LAMA5: variants seen among roughly 807,000 people sequenced by gnomAD.
LAMA5 encodes the protein laminin subunit alpha 5.
A neutral mutation model predicts 433.4 loss-of-function variants in LAMA5; 260 were observed. The observed-to-expected ratio is 0.60, with a 90% CI of 0.54 to 0.66. The LOEUF (loss-of-function observed/expected upper bound fraction) is 0.66. LAMA5 is among the 30% of genes least tolerant of loss of function. LAMA5 has a pLI of 0.00. For missense variants in LAMA5, 5,378 were observed against 5,258.5 expected (o/e 1.02, Z -0.70); for synonymous variants, 2,620 against 2,226.6 (o/e 1.18, Z -4.97).
Position 62,309,276 on chromosome 20 carries a change from C to T in LAMA5, c.*60G>A. 6.5e-6 allele frequency: 10 copies of T among 1,548,084 alleles called. No individual in the cohort carries two copies. In the South Asian group the frequency reaches 1.2e-4, roughly 18 times the overall value. On this transcript the variant is annotated 3_prime_UTR_variant, in exon 80 of 80. Coordinates refer to ENST00000252999, the MANE Select transcript of LAMA5 (RefSeq NM_005560.6). The stretch of plus-strand genomic sequence containing the variant: ...TCCAAATAGACACCTATGAGGCGAG[C>T]ACAAGGGGCGGTGTGAGGCAGCTGC...
chr20:62,327,496 G>C, intron 37 of LAMA5, 33 bp downstream of exon 37: 3 of 1,611,472 alleles, frequency 1.9e-6, no homozygotes, highest in Non-Finnish European at 2.5e-6. Context: ...AGACCTCCCC[G>C]AGAAGGCAAT....
In LAMA5 at chr20:62,330,798, C is replaced by A; in HGVS notation, c.3797G>T (p.Arg1266Leu). 1 of 1,559,142 alleles carries A rather than the reference C, an allele frequency of 6.4e-7. No individual in the cohort carries two copies. The highest frequency in any genetic ancestry group is 2.4e-5 in the East Asian group (1 of 41,788). Residue 1266 changes from arginine (R) to leucine (L), a missense_variant, in exon 30 of 80, where the codon CGG becomes CTG. Transcript: ENST00000252999. Reference protein sequence around the residue: ...PAMSPAGPRPRPPTAVDPDAE... With the variant: ...PAMSPAGPRPLPPTAVDPDAE... ...ATCAGGGTCCACAGCGGTGGGGGGCCGAGGTCGGGGTCCAGCTGGGGACAT... is the reference window on the plus strand; with the variant it reads ...ATCAGGGTCCACAGCGGTGGGGGGCAGAGGTCGGGGTCCAGCTGGGGACAT...
Position 62,310,099 on chromosome 20 carries a change from G to A in LAMA5, c.10735-18C>T, listed in dbSNP as rs1405004098. The A allele has an allele frequency of 3.7e-6, 6 of 1,610,804 alleles. No homozygotes were observed. The highest frequency in any genetic ancestry group is 3.3e-5 in the South Asian group (3 of 91,052). On this transcript the variant is annotated intron_variant, in intron 77 of 79. Coordinates refer to ENST00000252999, the MANE Select transcript of LAMA5 (RefSeq NM_005560.6). ...AGCAGGACCTGGCGGGGTAGGAAGG[G>A]AGGGTCAGGCTATGCCCCCGAGGTC... is the stretch of plus-strand genomic sequence containing the variant.
rs141106376 is a variant in LAMA5 at position 62,337,107 on chromosome 20, G to A, written c.2165-321C>T. On this transcript the variant is annotated intron_variant, in intron 16 of 79. Transcript: ENST00000252999. Reference sequence around the variant, plus strand: ...GCACGTGAAGATGCACCCACTACACGTGCACTAACACACCCACACGCCCGT... The same window carrying A: ...GCACGTGAAGATGCACCCACTACACATGCACTAACACACCCACACGCCCGT... The A allele has an allele frequency of 2.4e-3, 1,455 of 594,326 alleles. 3 individuals are homozygous for A. Among genetic ancestry groups the A allele is most frequent in the Non-Finnish European group, 2.8e-3 (868 of 314,252 alleles). The allele number at this position is 594,326 out of a possible 1,614,324, so 36.8% of individuals were successfully genotyped here.
chr20:62,351,665 G>C (rs752230497), intron 6 of LAMA5, 39 bp downstream of exon 6: 2 of 1,583,538 alleles, frequency 1.3e-6, no homozygotes, highest in Non-Finnish European at 8.6e-7. Context: ...GCTGGGGGGG[G>C]CCTCACCTGA....
At chr20:62,335,917 C>G (rs1981529938) in intron 18 of LAMA5, among the ~76,000 whole-genome samples, 1 of 143,832 alleles carries the variant, frequency 7.0e-6, no homozygotes, top group Non-Finnish European at 1.5e-5. Flanking sequence ...CCCGAGGAAC[C>G]CCACACCCCA....
Position 62,310,531 on chromosome 20 carries a change from C to T in LAMA5, c.10488G>A (p.Leu3496=). 1 of 1,549,636 alleles carries T rather than the reference C, an allele frequency of 6.5e-7. No individual in the cohort carries two copies. The highest frequency in any genetic ancestry group is 8.7e-7 in the Non-Finnish European group (1 of 1,154,204). The change falls in exon 76 of 80, where the codon CTG becomes CTA. Residue 3496 remains leucine, a synonymous_variant. Transcript: ENST00000252999. ...TGGGGGCCCCCAGGGGCCTCCCGTG[C>T]AGCCTCAGTCTCTTCACACAGCCGC... ...GFSGCVKRLR[L]HGRPLGAPTR...
intron 62 of LAMA5, 51 bp downstream of exon 62, chr20:62,314,253 G>A (rs751512694): frequency 1.9e-6 from 3 of 1,588,136 alleles, no homozygotes; most frequent in South Asian, 1.1e-5. Flanking sequence ...ATGGCGAACG[G>A]GCAAGGGCCC....
chr20:62,323,446 C>T lies in LAMA5; in HGVS notation c.6064+10G>A, dbSNP rs763161580. 30 of 1,531,454 alleles carry T rather than the reference C, an allele frequency of 2.0e-5. No individual in the cohort carries two copies. Among genetic ancestry groups the T allele is most frequent in the Admixed American group, 1.8e-4 (9 of 50,258 alleles). 94.9% of individuals were successfully genotyped at this position (1,531,454 alleles called of 1,614,324 possible). A position where few individuals can be genotyped will look rare whatever the true frequency, so the allele number is the denominator to read the frequency against. On this transcript the variant is annotated intron_variant, in intron 45 of 79. Transcript: ENST00000252999. ...TCCCCAGGGTGCATCCCTCCCAGCC[C>T]GACGCCTACGGGTGCAGTTGCCGGG...
chr20:62,323,400 T>C, intron 45 of LAMA5, 56 bp downstream of exon 45: 1 of 1,385,346 alleles, frequency 7.2e-7, no homozygotes, highest in East Asian at 2.5e-5. Flanking sequence ...CCAGCAGGCC[T>C]CCCTCCTCCC....
Position 62,330,512 on chromosome 20 carries a change from T to C in LAMA5, c.3955A>G (p.Ile1319Val), listed in dbSNP as rs1490854983. 2.6e-6 allele frequency: 4 copies of C among 1,568,208 alleles called. No homozygotes were observed. Among genetic ancestry groups the C allele is most frequent in the Non-Finnish European group, 8.6e-7 (1 of 1,156,830 alleles). The change falls in exon 31 of 80, where the codon ATC becomes GTC. Residue 1319 changes from isoleucine (I) to valine (V), a missense_variant. Ile to Val is a conservative substitution (Grantham distance 29). Coordinates refer to ENST00000252999, the MANE Select transcript of LAMA5 (RefSeq NM_005560.6). ...CCCTGCCACACGCGGCCGGCGTTGA[T>C]GAGGACTTCCACGGGGAAGGTGGGG... ...AHPTFPVEVL[I>V]NAGRVWQGHA...
rs555888483 is a variant in LAMA5 at position 62,314,644 on chromosome 20, T to A, written c.8278A>T (p.Thr2760Ser). 4 of 1,612,600 alleles carry A rather than the reference T, an allele frequency of 2.5e-6. No individual in the cohort carries two copies. The highest frequency in any genetic ancestry group is 3.4e-6 in the Non-Finnish European group (4 of 1,179,930). ...PRDLADLAAY[T>S]ALKFYLQGPE... Reference sequence around the variant, plus strand: ...CCCTGCAGGTAGAACTTGAGGGCAGTGTAGGCAGCAAGGTCGGCAAGATCC... The same window carrying A: ...CCCTGCAGGTAGAACTTGAGGGCAGAGTAGGCAGCAAGGTCGGCAAGATCC... The change falls in exon 61 of 80, where the codon ACT becomes TCT. Residue 2760 changes from threonine (T) to serine (S), a missense_variant. By Grantham distance (58) the Thr-to-Ser change is moderately conservative. Transcript: ENST00000252999.
chr20:62,337,405 G>C (rs537067116), intron 16 of LAMA5, among the ~76,000 whole-genome samples, 185 bp downstream of exon 16: 3 of 152,198 alleles, frequency 2.0e-5, no homozygotes, highest in Non-Finnish European at 2.9e-5. Flanking sequence ...ACGCAGACAC[G>C]GGCAGTACGC....
chr20:62,350,474 G>A (rs907415765), intron 6 of LAMA5, among the ~76,000 whole-genome samples: 1 of 152,186 alleles, frequency 6.6e-6, no homozygotes, highest in African/African-American at 2.4e-5. Context: ...CACTGGCCGT[G>A]AGAATGGGAG....
Position 62,316,766 on chromosome 20 carries a change from A to G in LAMA5, c.7661T>C (p.Val2554Ala). ...QQADHTWATV[V>A]RQGLVDRAQQ... ...GGCTCGGTCCACCAGGCCCTGCCGC[A>G]CCACCGTCTGTGGATGCCAGGGCAG... is the stretch of plus-strand genomic sequence containing the variant. The change falls in exon 57 of 80, where the codon GTG becomes GCG. Residue 2554 changes from valine to alanine, a missense_variant. Coordinates refer to ENST00000252999, the MANE Select transcript of LAMA5 (RefSeq NM_005560.6). 1 of 1,604,676 alleles carries G rather than the reference A, an allele frequency of 6.2e-7. No homozygotes were observed. The highest frequency in any genetic ancestry group is 8.5e-7 in the Non-Finnish European group (1 of 1,175,602).
intron 37 of LAMA5, 60 bp downstream of exon 37, chr20:62,327,469 G>C (rs1166359996): frequency 5.0e-6 from 8 of 1,605,364 alleles, no homozygotes; most frequent in Non-Finnish European, 6.8e-6. Context: ...GCCCCATCTT[G>C]CATCCAGTCC....
At position 62,312,316 on chromosome 20, in the gene LAMA5, C is replaced by T. The variant is rs1184466164; in HGVS notation, c.9361G>A (p.Val3121Met). 1.2e-6 allele frequency: 2 copies of T among 1,608,908 alleles called. No homozygotes were observed. The highest frequency in any genetic ancestry group is 2.7e-5 in the African/African-American group (2 of 75,036). The stretch of plus-strand genomic sequence containing the variant: ...CCATGGAAAGTCATGGCGCGCCCCA[C>T]CTGCGGGGAGGCCATCCCTGAGTGC... ...VSAGCTADLL[V>M]GRAMTFHGHG... is the part of the protein sequence containing the mutation. The change falls in exon 69 of 80, where the codon GTG becomes ATG. Residue 3121 changes from valine (V) to methionine (M), a missense_variant and splice_region_variant. Val to Met is a conservative substitution (Grantham distance 21, BLOSUM62 1). Coordinates refer to ENST00000252999, the MANE Select transcript of LAMA5 (RefSeq NM_005560.6).
intron 1 of LAMA5, among the ~76,000 whole-genome samples, chr20:62,366,661 T>G (rs1385101852): frequency 6.6e-6 from 1 of 152,192 alleles, no homozygotes; most frequent in East Asian, 1.9e-4. Flanking sequence ...CGCCAGGGAC[T>G]GGGCCCGGCC....
At position 62,312,418 on chromosome 20, in the gene LAMA5, GCCGGCGCTCACGCCTGT is replaced by G; in HGVS notation, c.9325_9341del (p.Thr3109LeufsTer75). The G allele has an allele frequency of 6.3e-7, 1 of 1,597,922 alleles. No homozygotes were observed. Among genetic ancestry groups the G allele is most frequent in the South Asian group, 1.1e-5 (1 of 90,914 alleles). On this transcript the variant is annotated frameshift_variant, in exon 68 of 80. Coordinates refer to ENST00000252999, the MANE Select transcript of LAMA5 (RefSeq NM_005560.6). LOFTEE classifies it high-confidence loss of function. ...TGCTCACCAGCAGGTCGGCGGTGCA[GCCGGCGCTCACGCCTGT>G]CGTGTTCAGCCGCTTGAGGTCCACA...
Sources: gnomAD v4.1 joint callset for allele counts (sites outside exome capture counted in the v4.1 genomes callset) on GRCh38, gnomAD v4.1.1 for gene constraint, MANE v1.5 for transcripts, NCBI Gene and HGNC (gene_info 2026-07-23, HGNC 2026-07-21) for gene names.